KLF8: variants seen among roughly 807,000 people sequenced by gnomAD.
KLF8 encodes Krueppel-like factor 8.
KLF8 carries 10 observed loss-of-function variants against 18.2 expected under a neutral mutation model. The observed-to-expected ratio is 0.55, with a 90% confidence interval of 0.34 to 0.93. The LOEUF (loss-of-function observed/expected upper bound fraction) is 0.93, where lower values mean the gene tolerates loss of function less well. Among genes scored for constraint, KLF8 ranks in the 40% least tolerant of loss-of-function variants. KLF8 has a pLI of 0.02. For missense variants in KLF8, 264 were observed against 277.9 expected (o/e 0.95, Z 0.36); for synonymous variants, 109 against 97.3 (o/e 1.12, Z -0.71).
At chrX:56,107,727 C>T in the KLF8 span, among the ~76,000 whole-genome samples, 1 of 111,322 alleles carries the variant, frequency 9.0e-6, no homozygotes, top group African/African-American at 3.3e-5. Context: ...GTGTGCTGCA[C>T]CCACAGTCCC....
chrX:56,284,180 C>A, intron 5 of KLF8, 133 bp from the exon 6 acceptor site: 1 of 436,798 alleles, frequency 2.3e-6, no homozygotes, highest in Non-Finnish European at 3.7e-6. Context: ...AAAAGATTTA[C>A]AGGCATATGC....
chrX:56,165,022 G>A, the KLF8 span, among the ~76,000 whole-genome samples: 28 of 95,849 alleles, frequency 2.9e-4, no homozygotes, highest in Admixed American at 2.2e-3. Flanking sequence ...TTGTTCTTGC[G>A]ATAGTTTACT....
the KLF8 span, among the ~76,000 whole-genome samples, chrX:56,030,403 G>A: frequency 8.9e-6 from 1 of 111,832 alleles, no homozygotes; most frequent in Non-Finnish European, 1.9e-5. Context: ...TACATGAGTA[G>A]CTGGTGGGAA....
the KLF8 span, among the ~76,000 whole-genome samples, chrX:55,993,910 GTTTTTTTT>G: frequency 1.1e-5 from 1 of 90,053 alleles, no homozygotes; most frequent in Non-Finnish European, 2.2e-5. Flanking sequence ...GTTTATAGAG[GTTTTTTTT>G]TTTTTTTTTT....
the KLF8 span, among the ~76,000 whole-genome samples, chrX:55,978,079 A>T: frequency 1.8e-5 from 2 of 110,605 alleles, no homozygotes; most frequent in Admixed American, 1.9e-4. Context: ...ATATATATAG[A>T]TATACATGTA....
the KLF8 span, among the ~76,000 whole-genome samples, chrX:56,153,059 A>G: frequency 2.9e-4 from 32 of 112,192 alleles, no homozygotes; most frequent in Admixed American, 4.8e-4. Context: ...ATCAATATTT[A>G]CCATAGTGGA....
chrX:56,137,499 G>T, the KLF8 span, among the ~76,000 whole-genome samples: 4 of 104,936 alleles, frequency 3.8e-5, no homozygotes, highest in Non-Finnish European at 5.8e-5. Flanking sequence ...GTAAACTATC[G>T]CAAGAACAAA....
At chrX:56,125,701 A>T in the KLF8 span, among the ~76,000 whole-genome samples, 1 of 112,342 alleles carries the variant, frequency 8.9e-6, no homozygotes, top group Non-Finnish European at 1.9e-5. Flanking sequence ...GAGGAAATAT[A>T]CTGTAACAGG....
intron 1 of KLF8, among the ~76,000 whole-genome samples, chrX:56,234,074 T>C (rs1770329994): frequency 9.0e-6 from 1 of 111,542 alleles, no homozygotes; most frequent in Non-Finnish European, 1.9e-5. Flanking sequence ...TGTGGGCTTT[T>C]TTTTTTAACC....
chrX:56,057,198 C>T, the KLF8 span, among the ~76,000 whole-genome samples: 11 of 111,640 alleles, frequency 9.9e-5, no homozygotes, highest in African/African-American at 2.9e-4. Flanking sequence ...TTTTGTGCCA[C>T]AGATATGGGT....
the KLF8 span, among the ~76,000 whole-genome samples, chrX:56,156,168 T>C: frequency 3.6e-5 from 4 of 112,549 alleles, no homozygotes; most frequent in East Asian, 8.3e-4. Context: ...TTTCATAACA[T>C]TTAAAATAAT....
the KLF8 span, among the ~76,000 whole-genome samples, chrX:56,177,576 C>A: frequency 9.0e-6 from 1 of 111,575 alleles, no homozygotes; most frequent in Non-Finnish European, 1.9e-5. Context: ...GGCAGTCTGT[C>A]TGTTCTGAGA....
chrX:56,045,729 A>T, the KLF8 span, among the ~76,000 whole-genome samples: 2 of 111,546 alleles, frequency 1.8e-5, no homozygotes, highest in Non-Finnish European at 3.8e-5. Context: ...TGTATAGCAG[A>T]GCTACTGATT....
chrX:56,178,895 T>A, the KLF8 span, among the ~76,000 whole-genome samples: 4 of 112,442 alleles, frequency 3.6e-5, no homozygotes, highest in Admixed American at 3.8e-4. Context: ...CGCCTTGTAC[T>A]ATAGCTTGAA....
chrX:56,188,409 T>A, the KLF8 span, among the ~76,000 whole-genome samples: 1 of 111,662 alleles, frequency 9.0e-6, no homozygotes, highest in African/African-American at 3.3e-5. Context: ...TGATCATGGG[T>A]AGGAAGAATC....
chrX:56,165,556 A>G, the KLF8 span, among the ~76,000 whole-genome samples: 1 of 112,014 alleles, frequency 8.9e-6, no homozygotes, highest in East Asian at 2.8e-4. Flanking sequence ...AAACGTTGTC[A>G]TGTTTCATTG....
the KLF8 span, among the ~76,000 whole-genome samples, chrX:56,087,438 C>T: frequency 7.3e-5 from 8 of 109,990 alleles, no homozygotes; most frequent in South Asian, 3.2e-3. Context: ...ACCCCCTCAC[C>T]CCTCTCTTGT....
the KLF8 span, among the ~76,000 whole-genome samples, chrX:55,919,619 T>C: frequency 9.4e-6 from 1 of 106,307 alleles, no homozygotes; most frequent in Admixed American, 1.0e-4. Context: ...CGCACTTCCC[T>C]GGCTACCTGT....
At chrX:56,185,065 C>G in the KLF8 span, among the ~76,000 whole-genome samples, 1 of 112,357 alleles carries the variant, frequency 8.9e-6, no homozygotes, top group African/African-American at 3.2e-5. Context: ...TTCAGACAAT[C>G]AAACTACTCT....
Sources: allele counts gnomAD v4.1 joint callset (sites outside exome capture counted in the v4.1 genomes callset), GRCh38; gene constraint gnomAD v4.1.1; transcripts MANE v1.5; gene names NCBI Gene and HGNC (gene_info 2026-07-23, HGNC 2026-07-21).